PTPRN2: variants seen among roughly 807,000 people sequenced by gnomAD.
The protein encoded by PTPRN2 is receptor-type tyrosine-protein phosphatase N2.
Under a neutral mutation model 118.8 loss-of-function variants are expected in PTPRN2, and 74 were observed. That is an observed-to-expected ratio of 0.62 (90% confidence interval 0.52 to 0.76). The LOEUF is 0.76. Among genes scored for constraint, PTPRN2 ranks in the 30% least tolerant of loss-of-function variants. PTPRN2 has a pLI of 0.00. For synonymous variants in PTPRN2, 641 were observed against 608.0 expected (o/e 1.05, Z -0.80); for missense variants, 1,481 against 1,394.4 (o/e 1.06, Z -0.99).
chr7:157,976,893 G>T (rs1802795851), intron 11 of PTPRN2, among the ~76,000 whole-genome samples: 1 of 151,866 alleles, frequency 6.6e-6, no homozygotes, highest in Non-Finnish European at 1.5e-5. Context: ...TTCTGCTTAA[G>T]CTCCCAAATC....
At chr7:158,344,351 C>T (rs1263124006) in intron 2 of PTPRN2, among the ~76,000 whole-genome samples, 1 of 152,146 alleles carries the variant, frequency 6.6e-6, no homozygotes, top group African/African-American at 2.4e-5. Context: ...GAGCTCCGTC[C>T]AGTGGGGAGC....
chr7:158,245,125 T>C (rs1423665568), intron 3 of PTPRN2, among the ~76,000 whole-genome samples: 1 of 152,182 alleles, frequency 6.6e-6, no homozygotes, highest in Non-Finnish European at 1.5e-5. Flanking sequence ...TCCATGGTCA[T>C]GCCGGAATCC....
At chr7:158,405,434 C>A (rs549646053) in intron 2 of PTPRN2, among the ~76,000 whole-genome samples, 3 of 152,194 alleles carry the variant, frequency 2.0e-5, no homozygotes, top group African/African-American at 4.8e-5. Context: ...TCACAAACAG[C>A]CCCCTGGAGG....
chr7:158,308,884 T>C lies in PTPRN2; in HGVS notation c.277+7935A>G, dbSNP rs528548067. Among the ~76,000 whole-genome samples, 11 of 151,948 alleles carry C rather than the reference T, an allele frequency of 7.2e-5. No homozygotes were observed. The East Asian group carries it at 9.7e-4, about 13-fold the overall frequency. The stretch of plus-strand genomic sequence containing the variant: ...AACAAACTAGATAATCTAGGTGAAA[T>C]TGACAAATTCCTATGAAGACATGAA... On this transcript the variant is annotated intron_variant, in intron 3 of 22. Transcript: ENST00000389418.
chr7:157,541,371 C>T (rs1798006664), intron 22 of PTPRN2, among the ~76,000 whole-genome samples: 2 of 152,344 alleles, frequency 1.3e-5, no homozygotes, highest in South Asian at 2.1e-4. Context: ...TCAGGGCATG[C>T]GCGTCCACAG....
intron 11 of PTPRN2, among the ~76,000 whole-genome samples, chr7:157,991,409 G>A (rs766880604): frequency 1.3e-5 from 2 of 152,192 alleles, no homozygotes; most frequent in African/African-American, 2.4e-5. Context: ...ACCCAATGCC[G>A]TGGGCCCGGC....
At chr7:158,155,152 TGTG>T (rs1821586771) in intron 6 of PTPRN2, among the ~76,000 whole-genome samples, 1 of 152,228 alleles carries the variant, frequency 6.6e-6, no homozygotes, top group African/African-American at 2.4e-5. Context: ...GGATATTAAA[TGTG>T]TAAAGCCTGG....
At chr7:158,562,032 T>C (rs555014607) in intron 1 of PTPRN2, among the ~76,000 whole-genome samples, 1 of 152,310 alleles carries the variant, frequency 6.6e-6, no homozygotes, top group South Asian at 2.1e-4. Flanking sequence ...AATGAACACA[T>C]GTCTTTTGAG....
rs1210980606 is a variant in PTPRN2, at chr7:157,776,213, TCTC to T, written c.1789-93279_1789-93277del. Among the ~76,000 whole-genome samples, 19 of 121,434 alleles carry T rather than the reference TCTC, an allele frequency of 1.6e-4. No individual in the cohort carries two copies. In the East Asian group the frequency reaches 2.9e-3, roughly 19 times the overall value. The allele number at this position is 121,434 out of a possible 152,430, so 79.7% of individuals were successfully genotyped here. On this transcript the variant is annotated intron_variant, in intron 12 of 22. Transcript: ENST00000389418. ...TTCACTTCCTCCCTCTCCTCCTCCA[TCTC>T]CTCCTCCTCCTTCTCATCTTCCTCC...
At chr7:158,430,040 T>C (rs1316218963) in intron 2 of PTPRN2, among the ~76,000 whole-genome samples, 1 of 152,176 alleles carries the variant, frequency 6.6e-6, no homozygotes, top group Non-Finnish European at 1.5e-5. Context: ...CCTGAGTAGC[T>C]GGGATTACAG....
At chr7:158,404,663 C>T (rs1813213161) in intron 2 of PTPRN2, among the ~76,000 whole-genome samples, 1 of 151,390 alleles carries the variant, frequency 6.6e-6, no homozygotes, top group Non-Finnish European at 1.5e-5. Flanking sequence ...CCAGCCTCAG[C>T]TCCCCGGCCC....
At chr7:157,740,534 G>GCAAGGCAGGGGGAGCCTCACCAGCTCC (rs1800576134) in intron 12 of PTPRN2, 1 of 152,318 alleles carries the variant, frequency 6.6e-6, no homozygotes, top group Non-Finnish European at 1.5e-5. Flanking sequence ...TCTGTCCACG[G>GCAAGGCAGGGGGAGCCTCACCAGCTCC]GGTGACTTCA....
intron 2 of PTPRN2, among the ~76,000 whole-genome samples, chr7:158,333,779 C>A (rs1470589355): frequency 6.7e-6 from 1 of 148,570 alleles, no homozygotes; most frequent in African/African-American, 2.5e-5. Context: ...ACATCACTCA[C>A]ACACACACTC....
At chr7:158,365,873 GAGA>G in intron 2 of PTPRN2, among the ~76,000 whole-genome samples, 1 of 105,136 alleles carries the variant, frequency 9.5e-6, no homozygotes. Flanking sequence ...GCATCCCTGG[GAGA>G]AGCCGCAGCC....
chr7:158,330,871 C>T lies in PTPRN2; in HGVS notation c.164-13939G>A, dbSNP rs147433750. Among the ~76,000 whole-genome samples the T allele has an allele frequency of 4.8e-3, 479 of 100,558 alleles. 75 individuals are homozygous for T. The highest frequency in any genetic ancestry group is 0.016 in the African/African-American group (445 of 27,296). 66.0% of individuals were successfully genotyped at this position (100,558 alleles called of 152,430 possible). On this transcript the variant is annotated intron_variant, in intron 2 of 22. Transcript: ENST00000389418. The stretch of plus-strand genomic sequence containing the variant: ...CACCATAAGAGCTGATGCCCGCAGA[C>T]GTCATTCACACCCAAACTCTCACCA...
rs1472942120 is a variant in PTPRN2, at chr7:158,570,920, G to A, written c.112+16638C>T. 6.6e-6 allele frequency among the ~76,000 whole-genome samples: 1 copy of A among 152,198 alleles called. No individual in the cohort carries two copies. The highest frequency in any genetic ancestry group is 2.4e-5 in the African/African-American group (1 of 41,450). On this transcript the variant is annotated intron_variant, in intron 1 of 22. Transcript: ENST00000389418. This position sits in a 1 kb window ranked among gnomAD's most constrained non-coding sequence, Gnocchi z 4.5. ...ACCTCTGGCCTTCCTCTGCTCAGAA[G>A]CCCACCCCTGCAGAGCAAAGCCCGG...
At chr7:157,863,062 C>T (rs1810364269) in intron 12 of PTPRN2, 1 of 152,286 alleles carries the variant, frequency 6.6e-6, no homozygotes, top group Non-Finnish European at 1.5e-5. Context: ...CCAGTGCCTC[C>T]TGTGCTCCGG....
intron 1 of PTPRN2, among the ~76,000 whole-genome samples, chr7:158,493,045 C>A (rs1448718954): frequency 6.6e-6 from 1 of 152,240 alleles, no homozygotes; most frequent in Non-Finnish European, 1.5e-5. Context: ...GGAATTCCTT[C>A]ACTTCAATGT....
intron 15 of PTPRN2, among the ~76,000 whole-genome samples, chr7:157,605,323 A>G (rs903045216): frequency 3.3e-5 from 5 of 152,242 alleles, no homozygotes; most frequent in Non-Finnish European, 7.3e-5. Context: ...CATGGTTGAC[A>G]CTGAGGAACA....
Sources: gnomAD v4.1 joint callset for allele counts (sites outside exome capture counted in the v4.1 genomes callset) on GRCh38, gnomAD v4.1.1 for gene constraint, Gnocchi (gnomAD v3.1) non-coding constraint, MANE v1.5 for transcripts, NCBI Gene and HGNC (gene_info 2026-07-23, HGNC 2026-07-21) for gene names.